The following HS3ST4 variants were observed in gnomAD, a reference collection of about 807,000 sequenced individuals.
The protein encoded by HS3ST4 is heparan sulfate glucosamine 3-O-sulfotransferase 4.
Under a neutral mutation model 29.2 loss-of-function variants are expected in HS3ST4, and 17 were observed. The ratio of observed to expected loss-of-function variants is 0.58; its 90% confidence interval spans 0.40 to 0.87. The LOEUF is 0.87. Among genes scored for constraint, HS3ST4 ranks in the 40% least tolerant of loss-of-function variants. The pLI is 0.00. For missense variants in HS3ST4, 627 were observed against 634.5 expected (o/e 0.99, Z 0.13); for synonymous variants, 314 against 285.7 (o/e 1.10, Z -1.00).
At chr16:25,956,395 G>A (rs1349395089) in intron 1 of HS3ST4, among the ~76,000 whole-genome samples, 1 of 152,116 alleles carries the variant, frequency 6.6e-6, no homozygotes, top group African/African-American at 2.4e-5. Context: ...ATCTTATTTA[G>A]GGGACAAGAC....
rs1181477796 is a variant in HS3ST4, at chr16:25,721,476, TA to T, written c.734+28326del. Among the ~76,000 whole-genome samples, 8 of 64,714 alleles carry T rather than the reference TA, an allele frequency of 1.2e-4. No individual in the cohort carries two copies. The South Asian group carries it at 4.4e-3, about 36-fold the overall frequency. The allele number at this position is 64,714 out of a possible 152,430, so 42.5% of individuals were successfully genotyped here. A position where few individuals can be genotyped will look rare whatever the true frequency, so the allele number is the denominator to read the frequency against. On this transcript the variant is annotated intron_variant, in intron 1 of 1. Coordinates refer to ENST00000331351, the MANE Select transcript of HS3ST4 (RefSeq NM_006040.3). ...AATACCCTTCTTTCCCATAAAGCAA[TA>T]TTTTTTTCACAAATTGCATTCAAAG...
intron 1 of HS3ST4, among the ~76,000 whole-genome samples, chr16:26,084,553 G>A (rs188618071): frequency 4.8e-3 from 735 of 152,154 alleles, no homozygotes; most frequent in Non-Finnish European, 7.8e-3. Flanking sequence ...GTGATCATGC[G>A]TCTATCACCA....
chr16:26,011,722 G>GGT (rs55657831), intron 1 of HS3ST4, among the ~76,000 whole-genome samples: 98,374 of 150,054 alleles, frequency 0.66, 32,648 homozygotes, highest in South Asian at 0.81. Context: ...GACAGAGAGA[G>GGT]GTGTGTGTGT....
chr16:26,099,815 A>G (rs1448562343), intron 1 of HS3ST4, among the ~76,000 whole-genome samples: 4 of 152,290 alleles, frequency 2.6e-5, no homozygotes, highest in East Asian at 1.9e-4. Flanking sequence ...ACACACACGC[A>G]CACACGCATG....
chr16:25,895,668 G>A (rs943734091), intron 1 of HS3ST4, among the ~76,000 whole-genome samples: 3 of 152,070 alleles, frequency 2.0e-5, no homozygotes, highest in Admixed American at 6.5e-5. Flanking sequence ...TTGAGACCTG[G>A]TGAGAGCCTG....
intron 1 of HS3ST4, among the ~76,000 whole-genome samples, chr16:25,848,622 T>C (rs186041116): frequency 2.6e-5 from 4 of 152,248 alleles, no homozygotes; most frequent in Non-Finnish European, 5.9e-5. Flanking sequence ...TTCATCATTC[T>C]GAAGATTGTT....
chr16:25,806,905 G>T (rs533818278), intron 1 of HS3ST4, among the ~76,000 whole-genome samples: 10 of 152,116 alleles, frequency 6.6e-5, no homozygotes, highest in Non-Finnish European at 1.5e-4. Context: ...CACATGCATA[G>T]GTTCATGAAT....
intron 1 of HS3ST4, among the ~76,000 whole-genome samples, chr16:25,774,362 T>C (rs1191429529): frequency 6.6e-6 from 1 of 152,196 alleles, no homozygotes; most frequent in African/African-American, 2.4e-5. Context: ...TTTCATTTTA[T>C]AGTTGGTAAA....
intron 1 of HS3ST4, among the ~76,000 whole-genome samples, chr16:25,711,691 T>G (rs1292741765): frequency 6.6e-6 from 1 of 152,222 alleles, no homozygotes; most frequent in Non-Finnish European, 1.5e-5. Flanking sequence ...TCTCTTGTTA[T>G]GAAGCTCTGT....
chr16:25,979,438 T>C (rs1968980233), intron 1 of HS3ST4, among the ~76,000 whole-genome samples: 1 of 152,136 alleles, frequency 6.6e-6, no homozygotes, highest in Admixed American at 6.5e-5. Context: ...CTGCCTCCTG[T>C]CAGATCAGCA....
chr16:26,128,210 G>A lies in HS3ST4; in HGVS notation c.735-7402G>A, dbSNP rs149300716. Among the ~76,000 whole-genome samples, 827 of 152,244 alleles carry A rather than the reference G, an allele frequency of 5.4e-3. 3 individuals carry two copies. Among genetic ancestry groups the A allele is most frequent in the Non-Finnish European group, 8.5e-3 (578 of 68,006 alleles). On this transcript the variant is annotated intron_variant, in intron 1 of 1. Transcript: ENST00000331351. The stretch of plus-strand genomic sequence containing the variant: ...GCAAAAATGTCCCATCTGAACCACA[G>A]ATCATGTTACTAAATGGGATATACA...
At chr16:26,120,065 G>GTT (rs58484163) in intron 1 of HS3ST4, among the ~76,000 whole-genome samples, 1 of 134,044 alleles carries the variant, frequency 7.5e-6, no homozygotes, top group Non-Finnish European at 1.7e-5. Context: ...GTGTGTGTGT[G>GTT]TGTGTATGTG....
At chr16:25,935,129 T>C (rs113705182) in intron 1 of HS3ST4, among the ~76,000 whole-genome samples, 23,232 of 152,106 alleles carry the variant, frequency 0.15, 1,898 homozygotes, top group Middle Eastern at 0.18. Context: ...TCCACCATGA[T>C]TGTAAGTTTC....
At chr16:26,008,258 T>TA (rs1428084267) in intron 1 of HS3ST4, among the ~76,000 whole-genome samples, 1 of 152,220 alleles carries the variant, frequency 6.6e-6, no homozygotes, top group Non-Finnish European at 1.5e-5. Context: ...TGGCTAGGAA[T>TA]AATACATTTC....
At chr16:26,134,968 T>G (rs1235467591) in intron 1 of HS3ST4, among the ~76,000 whole-genome samples, 1 of 152,218 alleles carries the variant, frequency 6.6e-6, no homozygotes, top group East Asian at 1.9e-4. Flanking sequence ...CATTGAAATT[T>G]GAATTCTATA....
chr16:25,897,454 C>A (rs926413397), intron 1 of HS3ST4, among the ~76,000 whole-genome samples: 3 of 152,090 alleles, frequency 2.0e-5, no homozygotes, highest in African/African-American at 2.4e-5. Context: ...CCTGTCCCCC[C>A]ACAAAAATGA....
At chr16:26,077,846 G>A (rs1026694299) in intron 1 of HS3ST4, among the ~76,000 whole-genome samples, 3 of 152,238 alleles carry the variant, frequency 2.0e-5, no homozygotes, top group Admixed American at 2.0e-4. Flanking sequence ...TGAAGCAGGA[G>A]GATTGCTTGA....
At chr16:26,088,215 T>C (rs999155314) in intron 1 of HS3ST4, among the ~76,000 whole-genome samples, 3 of 152,194 alleles carry the variant, frequency 2.0e-5, no homozygotes, top group African/African-American at 7.2e-5. Flanking sequence ...CCTCTTCCTC[T>C]AGGTAATGCA....
chr16:25,942,943 A>T (rs1385936032), intron 1 of HS3ST4, among the ~76,000 whole-genome samples: 1 of 152,184 alleles, frequency 6.6e-6, no homozygotes, highest in African/African-American at 2.4e-5. Context: ...CTTTTAAAAT[A>T]AACTCTGTAG....
Sources: allele counts gnomAD v4.1 joint callset (sites outside exome capture counted in the v4.1 genomes callset), GRCh38; gene constraint gnomAD v4.1.1; transcripts MANE v1.5; gene names NCBI Gene and HGNC (gene_info 2026-07-23, HGNC 2026-07-21).